GPSM1: variants seen among roughly 807,000 people sequenced by gnomAD.
The protein encoded by GPSM1 is G protein signaling modulator 1.
Under a neutral mutation model 70.5 loss-of-function variants are expected in GPSM1, and 48 were observed. That is an observed-to-expected ratio of 0.68 (90% CI 0.54 to 0.87). GPSM1 has a LOEUF of 0.87. GPSM1 is among the 40% of genes least tolerant of loss of function. The pLI is 0.00. For synonymous variants in GPSM1, 416 were observed against 430.1 expected, an observed-to-expected ratio of 0.97 and a Z score of 0.41; for missense variants, 981 against 972.6, an observed-to-expected ratio of 1.01 and a Z score of -0.11.
At chr9:136,352,620 T>TGTGGGACAGGAAGGGCC (rs1554772336) in intron 11 of GPSM1, among the ~76,000 whole-genome samples, 2 of 152,182 alleles carry the variant, frequency 1.3e-5, no homozygotes. Flanking sequence ...CACCGAGGGC[T>TGTGGGACAGGAAGGGCC]GTGGGACAGG....
At chr9:136,344,062 G>A (rs1019897773) in intron 9 of GPSM1, among the ~76,000 whole-genome samples, 1 of 152,172 alleles carries the variant, frequency 6.6e-6, no homozygotes, top group Non-Finnish European at 1.5e-5. Context: ...GCTGATAGGT[G>A]AGGAACGGGG....
chr9:136,337,336 G>C, intron 4 of GPSM1, 105 bp from the exon 5 acceptor site: 1 of 1,486,318 alleles, frequency 6.7e-7, no homozygotes, highest in Non-Finnish European at 9.0e-7. Flanking sequence ...TCTTTCCAGG[G>C]CATGGCCCTG....
intron 1 of GPSM1, among the ~76,000 whole-genome samples, chr9:136,333,072 A>G (rs1554768701): frequency 6.6e-6 from 1 of 152,204 alleles, no homozygotes; most frequent in Non-Finnish European, 1.5e-5. Flanking sequence ...GAAAGCAAAC[A>G]GGAATGATGG....
chr9:136,343,993 G>A lies in GPSM1; in HGVS notation c.1207+3000G>A, dbSNP rs1023895484. Among the ~76,000 whole-genome samples the A allele has an allele frequency of 3.9e-5, 6 of 152,154 alleles. No homozygotes were observed. The highest frequency in any genetic ancestry group is 6.5e-5 in the Admixed American group (1 of 15,278). ...GCTGCTTGGTCACCAGGCTCCTGCC[G>A]TGTGCCAGGCACTGCTGGGGCCCTC... On this transcript the variant is annotated intron_variant, in intron 9 of 13. Coordinates refer to ENST00000440944, the MANE Select transcript of GPSM1 (RefSeq NM_001145638.3). The surrounding 1 kb of genome is among the most constrained non-coding windows in gnomAD (Gnocchi z 6.0).
chr9:136,335,435 G>C (rs756232568), intron 2 of GPSM1, among the ~76,000 whole-genome samples: 1 of 151,982 alleles, frequency 6.6e-6, no homozygotes, highest in Non-Finnish European at 1.5e-5. Context: ...CCTGCCCAGC[G>C]CCCTCCCCCT....
intron 9 of GPSM1, among the ~76,000 whole-genome samples, chr9:136,344,191 G>A (rs1440764295): frequency 4.7e-5 from 7 of 149,070 alleles, no homozygotes; most frequent in Non-Finnish European, 9.0e-5. Flanking sequence ...CAGGAGCGGG[G>A]GGAGGCGCGG....
chr9:136,355,668 G>T (rs200014496), intron 11 of GPSM1, 22 bp from the exon 12 acceptor site: 1 of 1,608,248 alleles, frequency 6.2e-7, no homozygotes. Context: ...CTTTGGCTGC[G>T]GTGACCCCAC....
At position 136,343,068 on chromosome 9, in the gene GPSM1, C is replaced by T. The variant is rs1432192890; in HGVS notation, c.1207+2075C>T. 3.3e-5 allele frequency among the ~76,000 whole-genome samples: 5 copies of T among 152,134 alleles called. No homozygotes were observed. Among genetic ancestry groups the T allele is most frequent in the South Asian group, 4.1e-4 (2 of 4,830 alleles). Reference sequence around the variant, plus strand: ...TCAGTCAGCGTATTAATCTCACCGCCCTCTGCTGGCCCCTCCCCAGCCAGC... The same window carrying T: ...TCAGTCAGCGTATTAATCTCACCGCTCTCTGCTGGCCCCTCCCCAGCCAGC... On this transcript the variant is annotated intron_variant, in intron 9 of 13. Coordinates refer to ENST00000440944, the MANE Select transcript of GPSM1 (RefSeq NM_001145638.3). The surrounding 1 kb of genome is among the most constrained non-coding windows in gnomAD (Gnocchi z 6.0).
intron 13 of GPSM1, among the ~76,000 whole-genome samples, chr9:136,356,999 T>C (rs1025400142): frequency 1.3e-5 from 2 of 152,070 alleles, no homozygotes; most frequent in African/African-American, 4.8e-5. Flanking sequence ...ACAGGGACCA[T>C]CCAGGGACCA....
chr9:136,337,102 G>A (rs781849310), intron 4 of GPSM1, 30 bp downstream of exon 4: 50 of 1,521,670 alleles, frequency 3.3e-5, no homozygotes, highest in East Asian at 9.8e-5. Context: ...CCCAGGGACC[G>A]GGGCTGGCCT....
chr9:136,358,162 A>G lies in GPSM1; in HGVS notation c.1970A>G (p.Glu657Gly). ...CGGGTGGACCTCGCCGGGGGCCCGG[A>G]GCAGGGGGCAGGCGGCCCGCCCGAG... is the stretch of plus-strand genomic sequence containing the variant. Reference protein sequence around the residue: ...EQRVDLAGGPEQGAGGPPEPQ... With the variant: ...EQRVDLAGGPGQGAGGPPEPQ... The change falls in exon 14 of 14, where the codon GAG (glutamate) becomes GGG (glycine). Residue 657 changes from glutamate to glycine, a missense_variant. Transcript: ENST00000440944. 6.3e-7 allele frequency: 1 copy of G among 1,592,216 alleles called. No homozygotes were observed. Among genetic ancestry groups the G allele is most frequent in the South Asian group, 1.1e-5 (1 of 89,036 alleles).
In GPSM1 at chr9:136,342,575, G is replaced by A. The variant is rs1489417234; in HGVS notation, c.1207+1582G>A. Among the ~76,000 whole-genome samples the A allele has an allele frequency of 2.0e-5, 3 of 152,136 alleles. No homozygotes were observed. Among genetic ancestry groups the A allele is most frequent in the African/African-American group, 7.2e-5 (3 of 41,452 alleles). On this transcript the variant is annotated intron_variant, in intron 9 of 13. Transcript: ENST00000440944. The surrounding 1 kb of genome is among the most constrained non-coding windows in gnomAD (Gnocchi z 5.5). ...CCGCCGCCCGGCTGCCGCTGTGGGA[G>A]GCAGGCTGCACACCTAGAGCCTGGG...
chr9:136,349,490 C>T (rs1832604132), intron 10 of GPSM1, 97 bp from the exon 11 acceptor site: 1 of 1,106,024 alleles, frequency 9.0e-7, no homozygotes, highest in African/African-American at 1.6e-5. Context: ...GGCGTGCATC[C>T]ATGAAATGGA....
At chr9:136,350,958 G>T (rs1832645491) in intron 11 of GPSM1, among the ~76,000 whole-genome samples, 2 of 152,202 alleles carry the variant, frequency 1.3e-5, no homozygotes, top group African/African-American at 4.8e-5. Flanking sequence ...CTGTGCCAGG[G>T]CCACCCCAGC....
In GPSM1 at chr9:136,350,938, C is replaced by A. The variant is rs550852131; in HGVS notation, c.1455+1175C>A. ...GGTGACAGGCCGGGCCTGTGCCTGG[C>A]AGGTGTCAGCTGTGCCAGGGCCACC... On this transcript the variant is annotated intron_variant, in intron 11 of 13. Transcript: ENST00000440944. Among the ~76,000 whole-genome samples, 25 of 152,274 alleles carry A rather than the reference C, an allele frequency of 1.6e-4. 1 individual carries two copies. The South Asian group carries it at 5.0e-3, about 30-fold the overall frequency.
In GPSM1 at chr9:136,358,418, A is replaced by G; in HGVS notation, c.*198A>G. On this transcript the variant is annotated 3_prime_UTR_variant, in exon 14 of 14. Transcript: ENST00000440944. ...GTGCTTCCATCCCGGGCTGGCCCCC[A>G]TGGCCCTCAGCTTCCTCCCTTCTGC... 1.7e-6 allele frequency: 1 copy of G among 591,960 alleles called. No individual in the cohort carries two copies. The highest frequency in any genetic ancestry group is 2.9e-6 in the Non-Finnish European group (1 of 342,678). The allele number at this position is 591,960 out of a possible 1,614,324, so 36.7% of individuals were successfully genotyped here.
Position 136,358,268 on chromosome 9 carries a change from C to A in GPSM1, c.*48C>A. 1 of 1,451,658 alleles carries A rather than the reference C, an allele frequency of 6.9e-7. No individual in the cohort carries two copies. Among genetic ancestry groups the A allele is most frequent in the Non-Finnish European group, 9.3e-7 (1 of 1,073,790 alleles). 89.9% of individuals were successfully genotyped at this position (1,451,658 alleles called of 1,614,324 possible). A position where few individuals can be genotyped will look rare whatever the true frequency, so the allele number is the denominator to read the frequency against. On this transcript the variant is annotated 3_prime_UTR_variant, in exon 14 of 14. Coordinates refer to ENST00000440944, the MANE Select transcript of GPSM1 (RefSeq NM_001145638.3). The stretch of plus-strand genomic sequence containing the variant: ...CCACCCTGCCCCCACTCCTGGACGC[C>A]GGTCTCACAGTCACAGCCACGTCCT...
At chr9:136,352,309 CACCGATGCTGCGCCGTTGCTG>C in intron 11 of GPSM1, among the ~76,000 whole-genome samples, 1 of 147,428 alleles carries the variant, frequency 6.8e-6, no homozygotes, top group Non-Finnish European at 1.5e-5. Context: ...CTGTTGGTGA[CACCGATGCTGCGCCGTTGCTG>C]TTGGTGACCA....
chr9:136,345,907 G>T (rs28683734), intron 9 of GPSM1, among the ~76,000 whole-genome samples: 3 of 152,176 alleles, frequency 2.0e-5, no homozygotes, highest in Non-Finnish European at 4.4e-5. Flanking sequence ...CCCCAGCCCC[G>T]TTCTGTCCCT....
Sources: gnomAD v4.1 joint callset for allele counts (sites outside exome capture counted in the v4.1 genomes callset) on GRCh38, gnomAD v4.1.1 for gene constraint, Gnocchi (gnomAD v3.1) non-coding constraint, MANE v1.5 for transcripts, NCBI Gene and HGNC (gene_info 2026-07-23, HGNC 2026-07-21) for gene names.